Variants in PAM observed in about 807,000 individuals in gnomAD.
PAM encodes peptidylglycine alpha-amidating monooxygenase, also known as peptidyl-glycine alpha-amidating monooxygenase.
Under a neutral mutation model 122.1 loss-of-function variants are expected in PAM, and 72 were observed. That is an observed-to-expected ratio of 0.59 (90% CI 0.49 to 0.72). The LOEUF is 0.72. PAM is among the 30% of genes least tolerant of loss of function. PAM has a pLI of 0.00. For missense variants in PAM, 1,106 were observed against 1,183.7 expected, an observed-to-expected ratio of 0.93 and a Z score of 0.96; for synonymous variants, 389 against 404.4, an observed-to-expected ratio of 0.96 and a Z score of 0.46.
intron 1 of PAM, among the ~76,000 whole-genome samples, chr5:102,806,596 TAC>T (rs748154691): frequency 9.2e-5 from 14 of 152,156 alleles, no homozygotes; most frequent in African/African-American, 2.9e-4. Context: ...TATACACACA[TAC>T]ACACACACAG....
chr5:102,806,923 A>T (rs1355230478), intron 1 of PAM, among the ~76,000 whole-genome samples: 1 of 152,210 alleles, frequency 6.6e-6, no homozygotes. Context: ...TATTATTGTT[A>T]TACGTTTGCG....
intron 1 of PAM, among the ~76,000 whole-genome samples, chr5:102,829,679 T>C (rs1398744403): frequency 6.6e-6 from 1 of 152,222 alleles, no homozygotes; most frequent in Non-Finnish European, 1.5e-5. Context: ...TGGCCGCAAA[T>C]GGGAGTTTTT....
intron 1 of PAM, among the ~76,000 whole-genome samples, chr5:102,759,560 T>C (rs918144769): frequency 1.3e-5 from 2 of 152,242 alleles, no homozygotes; most frequent in African/African-American, 4.8e-5. Flanking sequence ...TTAAAATTCA[T>C]ATTTTATAAA....
intron 15 of PAM, among the ~76,000 whole-genome samples, chr5:102,988,602 G>A (rs527371250): frequency 7.3e-4 from 105 of 142,984 alleles, no homozygotes; most frequent in Non-Finnish European, 1.1e-3. Context: ...GGAAAGGAAA[G>A]GGAAAGGGAG....
chr5:102,981,976 A>T (rs1290361587), intron 15 of PAM, among the ~76,000 whole-genome samples: 1 of 152,114 alleles, frequency 6.6e-6, no homozygotes, highest in Non-Finnish European at 1.5e-5. Flanking sequence ...CCATGTTTTA[A>T]ATTTCCCATG....
At chr5:102,757,592 G>A (rs912977776) in intron 1 of PAM, among the ~76,000 whole-genome samples, 7 of 152,178 alleles carry the variant, frequency 4.6e-5, no homozygotes, top group African/African-American at 1.7e-4. Flanking sequence ...GTATGTTGTG[G>A]TTCCCACATA....
chr5:102,775,681 T>C (rs1425211697), intron 1 of PAM, among the ~76,000 whole-genome samples: 2 of 152,202 alleles, frequency 1.3e-5, no homozygotes, highest in Non-Finnish European at 2.9e-5. Flanking sequence ...CATTCCTTTT[T>C]ATGGCTGCAT....
intron 5 of PAM, among the ~76,000 whole-genome samples, chr5:102,916,430 T>C (rs968119454): frequency 1.3e-4 from 19 of 151,924 alleles, no homozygotes; most frequent in Non-Finnish European, 1.5e-4. Flanking sequence ...ATAGCCCCAC[T>C]TAATTTGTAG....
In PAM at chr5:103,009,805, A is replaced by C. The variant is rs1780089025; in HGVS notation, c.2270A>C (p.Gln757Pro). The change falls in exon 21 of 26, where the codon CAA becomes CCA. Residue 757 changes from glutamine (Q) to proline (P), a missense_variant. This residue lies in a region of PAM where 333 missense variants were observed against 335.6 expected (regional missense o/e 0.99). Transcript: ENST00000438793. ...KPHFGDQEPVQGFVMNFSNGE... is the reference protein window; with the variant it reads ...KPHFGDQEPVPGFVMNFSNGE... The stretch of plus-strand genomic sequence containing the variant: ...CATTTTGGGGACCAAGAACCTGTAC[A>C]AGGATTTGTGATGAACTTTTCCAAT... 2 of 1,612,710 alleles carry C rather than the reference A, an allele frequency of 1.2e-6. No individual in the cohort carries two copies. Among genetic ancestry groups the C allele is most frequent in the African/African-American group, 2.7e-5 (2 of 74,886 alleles).
At chr5:102,758,073 G>GTTTTTTTTTTTTTTTT (rs1168917285) in intron 1 of PAM, among the ~76,000 whole-genome samples, 3 of 24,814 alleles carry the variant, frequency 1.2e-4, no homozygotes, top group African/African-American at 3.4e-4. Flanking sequence ...TTAGAATTTT[G>GTTTTTTTTTTTTTTTT]TTTTTTTTTT....
At chr5:103,003,745 C>A (rs1778109922) in intron 17 of PAM, among the ~76,000 whole-genome samples, 1 of 152,030 alleles carries the variant, frequency 6.6e-6, no homozygotes, top group East Asian at 1.9e-4. Context: ...TCAGCCAGAT[C>A]TAATGATCCA....
At chr5:102,861,084 G>A (rs1784048776) in intron 1 of PAM, among the ~76,000 whole-genome samples, 1 of 152,186 alleles carries the variant, frequency 6.6e-6, no homozygotes, top group Non-Finnish European at 1.5e-5. Flanking sequence ...GCCACATATT[G>A]AGGACATGTT....
At chr5:102,780,090 C>T (rs1454540072) in intron 1 of PAM, among the ~76,000 whole-genome samples, 2 of 151,578 alleles carry the variant, frequency 1.3e-5, no homozygotes, top group Non-Finnish European at 2.9e-5. Context: ...ACGTGTGCCC[C>T]CTGCTCCATC....
At chr5:102,997,119 A>G (rs1392357713) in intron 16 of PAM, among the ~76,000 whole-genome samples, 1 of 152,208 alleles carries the variant, frequency 6.6e-6, no homozygotes, top group East Asian at 1.9e-4. Flanking sequence ...CTTTATACAT[A>G]TAGATGACAT....
intron 12 of PAM, among the ~76,000 whole-genome samples, chr5:102,952,252 T>C (rs1375748930): frequency 6.6e-6 from 1 of 152,132 alleles, no homozygotes; most frequent in Non-Finnish European, 1.5e-5. Context: ...AATTCTATCC[T>C]TTTGAGTTCT....
intron 1 of PAM, among the ~76,000 whole-genome samples, chr5:102,829,378 T>TG (rs1561559640): frequency 1.3e-4 from 19 of 147,484 alleles, no homozygotes; most frequent in East Asian, 8.0e-4. Context: ...TTTTTTTTTT[T>TG]TTTTTTTTTT....
chr5:103,019,748 TG>T, intron 22 of PAM, 41 bp from the exon 23 acceptor site: 3 of 1,324,124 alleles, frequency 2.3e-6, no homozygotes, highest in Non-Finnish European at 3.3e-6. Flanking sequence ...ATGTTCTTTT[TG>T]GAGATTCTGA....
At chr5:102,863,000 T>TAA (rs201829281) in intron 1 of PAM, among the ~76,000 whole-genome samples, 5 of 150,740 alleles carry the variant, frequency 3.3e-5, no homozygotes, top group African/African-American at 1.2e-4. Context: ...TTTTTTTTTT[T>TAA]TAAAAAAAAA....
At chr5:102,955,893 G>C (rs1760571599) in intron 12 of PAM, among the ~76,000 whole-genome samples, 1 of 151,808 alleles carries the variant, frequency 6.6e-6, no homozygotes, top group Non-Finnish European at 1.5e-5. Context: ...TTTTGTTTTT[G>C]AATGAAAGGT....
Sources: gnomAD v4.1 joint callset for allele counts (sites outside exome capture counted in the v4.1 genomes callset) on GRCh38, gnomAD v4.1.1 for gene constraint, gnomAD v4.1.1 regional missense constraint, MANE v1.5 for transcripts, NCBI Gene and HGNC (gene_info 2026-07-23, HGNC 2026-07-21) for gene names.